The following ASAP2 variants were observed in gnomAD, a reference collection of about 807,000 sequenced individuals.
ASAP2 encodes the protein arf-GAP with SH3 domain, ANK repeat and PH domain-containing protein 2.
In ASAP2, 45 loss-of-function variants were observed where a neutral mutation model predicts 131.4. The ratio of observed to expected loss-of-function variants is 0.34; its 90% CI spans 0.27 to 0.44. The LOEUF (loss-of-function observed/expected upper bound fraction) is 0.44, where lower values mean the gene tolerates loss of function less well. Among genes scored for constraint, ASAP2 ranks in the 20% least tolerant of loss-of-function variants. The pLI, the probability that ASAP2 is intolerant of heterozygous loss-of-function variation, is 1.00. For synonymous variants in ASAP2, 510 were observed against 503.0 expected, an observed-to-expected ratio of 1.01 and a Z score of -0.19; for missense variants, 1,011 against 1,297.0, an observed-to-expected ratio of 0.78 and a Z score of 3.39.
chr2:9,346,969 G>T lies in ASAP2; in HGVS notation c.1023+2169G>T, dbSNP rs911009434. ...TAGTACGGTTATAACCGGCATTACT[G>T]GGATGCTGAGAACTCAGCTTGTCAC... On this transcript the variant is annotated intron_variant, in intron 11 of 27. Coordinates refer to ENST00000281419, the MANE Select transcript of ASAP2 (RefSeq NM_003887.3). Among the ~76,000 whole-genome samples the T allele has an allele frequency of 5.3e-5, 8 of 152,350 alleles. No individual in the cohort carries two copies. The East Asian group carries it at 9.6e-4, about 18-fold the overall frequency.
At chr2:9,258,761 A>G (rs548690450) in intron 1 of ASAP2, among the ~76,000 whole-genome samples, 1 of 152,332 alleles carries the variant, frequency 6.6e-6, no homozygotes, top group Non-Finnish European at 1.5e-5. Flanking sequence ...TTCAGAGCAG[A>G]CAGCATTCTG....
At chr2:9,387,213 C>CAAAAAAAAAAAAAA (rs60187435) in intron 21 of ASAP2, among the ~76,000 whole-genome samples, 18 of 95,218 alleles carry the variant, frequency 1.9e-4, no homozygotes, top group African/African-American at 5.9e-4. Flanking sequence ...GACTCTGTCT[C>CAAAAAAAAAAAAAA]AAAAAAAAAA....
rs1321972703 is a variant in ASAP2 at position 9,378,934 on chromosome 2, T to C, written c.1833-10T>C. On this transcript the variant is annotated splice_polypyrimidine_tract_variant and intron_variant, in intron 18 of 27. Transcript: ENST00000281419. Reference sequence around the variant, plus strand: ...CACTATGCTCTCTCTCTGTTCCTGTTCTCGGGCAGTGGGAACCTGGATAAA... The same window carrying C: ...CACTATGCTCTCTCTCTGTTCCTGTCCTCGGGCAGTGGGAACCTGGATAAA... 7.0e-7 allele frequency: 1 copy of C among 1,436,502 alleles called. No homozygotes were observed. The highest frequency in any genetic ancestry group is 9.2e-7 in the Non-Finnish European group (1 of 1,083,144). The allele number at this position is 1,436,502 out of a possible 1,614,324, so 89.0% of individuals were successfully genotyped here. A position where few individuals can be genotyped will look rare whatever the true frequency, so the allele number is the denominator to read the frequency against.
chr2:9,272,320 A>C (rs1022875069), intron 1 of ASAP2, among the ~76,000 whole-genome samples: 1 of 152,110 alleles, frequency 6.6e-6, no homozygotes, highest in East Asian at 1.9e-4. Flanking sequence ...GATGTTGAAC[A>C]CCTTTTTGTA....
intron 15 of ASAP2, among the ~76,000 whole-genome samples, chr2:9,363,879 C>T (rs1673266188): frequency 6.6e-6 from 1 of 152,206 alleles, no homozygotes; most frequent in Non-Finnish European, 1.5e-5. Flanking sequence ...CCTAGCATTA[C>T]TTCTTTTCCA....
intron 1 of ASAP2, among the ~76,000 whole-genome samples, chr2:9,229,129 A>G (rs946445069): frequency 2.6e-5 from 4 of 152,216 alleles, no homozygotes; most frequent in African/African-American, 9.6e-5. Flanking sequence ...AGATGTACTA[A>G]ACATCTGTAC....
At chr2:9,385,145 T>G in intron 20 of ASAP2, 100 bp from the exon 21 acceptor site, 3 of 835,760 alleles carry the variant, frequency 3.6e-6, no homozygotes, top group Non-Finnish European at 5.8e-6. Context: ...TGCATTTGCC[T>G]TGGACTAGAA....
At chr2:9,266,015 C>A (rs535357411) in intron 1 of ASAP2, among the ~76,000 whole-genome samples, 21 of 145,096 alleles carry the variant, frequency 1.4e-4, no homozygotes, top group Non-Finnish European at 3.0e-4. Context: ...CTCAAGTGAT[C>A]CACCCCCCCA....
Position 9,280,383 on chromosome 2 carries a change from C to T in ASAP2, c.199+994C>T, listed in dbSNP as rs531726669. On this transcript the variant is annotated intron_variant, in intron 2 of 27. Transcript: ENST00000281419. ...ACCGCCCCCACCAGTTACAATAGGG[C>T]GGGCACAAGCTCCAGTTGCCGCTCT... Among the ~76,000 whole-genome samples the T allele has an allele frequency of 2.6e-5, 4 of 151,316 alleles. No homozygotes were observed. In the East Asian group the frequency reaches 5.9e-4, roughly 22 times the overall value.
chr2:9,264,275 G>A (rs920657802), intron 1 of ASAP2, among the ~76,000 whole-genome samples: 5 of 152,062 alleles, frequency 3.3e-5, no homozygotes, highest in African/African-American at 1.2e-4. Context: ...GGGGAAGGAG[G>A]GAGGTATATT....
intron 1 of ASAP2, among the ~76,000 whole-genome samples, chr2:9,221,960 AT>A (rs923234661): frequency 0.015 from 2,146 of 144,456 alleles, 47 homozygotes; most frequent in African/African-American, 0.046. Context: ...CGCCTGGCTA[AT>A]TTTTTTTTTT....
chr2:9,235,800 G>A (rs1663509480), intron 1 of ASAP2, among the ~76,000 whole-genome samples: 1 of 151,690 alleles, frequency 6.6e-6, no homozygotes, highest in South Asian at 2.1e-4. Context: ...GAACCCTGAG[G>A]GTAGAACTCG....
chr2:9,352,640 C>T (rs961010075), intron 12 of ASAP2, among the ~76,000 whole-genome samples: 55 of 152,224 alleles, frequency 3.6e-4, no homozygotes, highest in African/African-American at 1.3e-3. Flanking sequence ...GGCAAGTGTG[C>T]ATGCCTCCCT....
intron 1 of ASAP2, among the ~76,000 whole-genome samples, chr2:9,260,671 A>C (rs533698043): frequency 1.3e-5 from 2 of 151,902 alleles, no homozygotes; most frequent in African/African-American, 4.8e-5. Flanking sequence ...TCCCTTCCCT[A>C]TTCTGGGTTT....
At chr2:9,355,998 G>C in intron 12 of ASAP2, 49 bp from the exon 13 acceptor site, 1 of 1,596,478 alleles carries the variant, frequency 6.3e-7, no homozygotes, top group East Asian at 2.2e-5. Context: ...TTGGAATTGT[G>C]TATGGATTGC....
chr2:9,296,547 C>A (rs1181362234), intron 2 of ASAP2, among the ~76,000 whole-genome samples: 1 of 152,242 alleles, frequency 6.6e-6, no homozygotes. Flanking sequence ...TTTTTCTGCT[C>A]AAACAACATG....
At chr2:9,351,318 A>T (rs1422735681) in intron 12 of ASAP2, among the ~76,000 whole-genome samples, 1 of 152,202 alleles carries the variant, frequency 6.6e-6, no homozygotes, top group Non-Finnish European at 1.5e-5. Context: ...AGGTCCCTTG[A>T]AACTTCAGTG....
intron 1 of ASAP2, among the ~76,000 whole-genome samples, chr2:9,219,998 T>C (rs1283240889): frequency 1.3e-5 from 2 of 152,240 alleles, no homozygotes. Flanking sequence ...TGTAGCCTAA[T>C]GTTTTTAAGA....
chr2:9,238,366 T>A (rs1305321681), intron 1 of ASAP2, among the ~76,000 whole-genome samples: 1 of 152,218 alleles, frequency 6.6e-6, no homozygotes, highest in Non-Finnish European at 1.5e-5. Flanking sequence ...CGCTTGATAT[T>A]TGACAATACT....
Sources: allele counts gnomAD v4.1 joint callset (sites outside exome capture counted in the v4.1 genomes callset), GRCh38; gene constraint gnomAD v4.1.1; transcripts MANE v1.5; gene names NCBI Gene and HGNC (gene_info 2026-07-23, HGNC 2026-07-21).